CEP164: variants seen among roughly 807,000 people sequenced by gnomAD.
CEP164 encodes centrosomal protein 164.
In CEP164, 162 loss-of-function variants were observed where a neutral mutation model predicts 182.7. That is an observed-to-expected ratio of 0.89 (90% CI 0.78 to 1.01). CEP164 has a LOEUF of 1.01. Ranked by LOEUF, CEP164 falls within the 50% of genes least tolerant of loss-of-function variation. CEP164 has a pLI of 0.00. For missense variants in CEP164, 1,735 were observed against 1,790.4 expected (o/e 0.97, Z 0.56); for synonymous variants, 661 against 690.0 (o/e 0.96, Z 0.66).
intron 9 of CEP164, 31 bp downstream of exon 9, chr11:117,371,497 GGCTGTAGCCCTCT>G: frequency 6.3e-7 from 1 of 1,580,244 alleles, no homozygotes; most frequent in Non-Finnish European, 8.6e-7. Context: ...GGCAGGGGTT[GGCTGTAGCCCTCT>G]GCTGCTCTGT....
At chr11:117,390,536 T>C (rs2044503402) in intron 15 of CEP164, among the ~76,000 whole-genome samples, 1 of 151,420 alleles carries the variant, frequency 6.6e-6, no homozygotes, top group South Asian at 2.1e-4. Flanking sequence ...CATGGGATGC[T>C]GAGGCGAGAG....
At chr11:117,390,345 C>T (rs562859381) in intron 15 of CEP164, among the ~76,000 whole-genome samples, 1 of 152,088 alleles carries the variant, frequency 6.6e-6, no homozygotes, top group Admixed American at 6.5e-5. Flanking sequence ...TTAGACTCAT[C>T]TTTAAGATTT....
At chr11:117,391,997 G>A (rs762189109) in intron 17 of CEP164, among the ~76,000 whole-genome samples, 12 of 152,298 alleles carry the variant, frequency 7.9e-5, no homozygotes, top group Middle Eastern at 3.4e-3. Context: ...GCAGAGAGCC[G>A]AAACTTACTG....
chr11:117,381,901 G>A, intron 13 of CEP164, 33 bp downstream of exon 13: 1 of 1,456,460 alleles, frequency 6.9e-7, no homozygotes, highest in Non-Finnish European at 9.1e-7. Flanking sequence ...TCATGAGGAT[G>A]AGGGCTGGTG....
At chr11:117,405,000 C>T (rs1333087581) in intron 27 of CEP164, among the ~76,000 whole-genome samples, 2 of 152,162 alleles carry the variant, frequency 1.3e-5, no homozygotes, top group African/African-American at 4.8e-5. Flanking sequence ...GGCAGATGCC[C>T]CGCCCCCACC....
In CEP164 at chr11:117,373,748, C is replaced by T. The variant is rs776583692; in HGVS notation, c.1153-3C>T. ...GGATTTCTCTGTGGGTCTGTCTCTC[C>T]AGGAACTGGAAATTAGTGAACACAT... On this transcript the variant is annotated splice_polypyrimidine_tract_variant and splice_region_variant and intron_variant, in intron 9 of 32. Coordinates refer to ENST00000278935, the MANE Select transcript of CEP164 (RefSeq NM_014956.5). 4 of 1,613,708 alleles carry T rather than the reference C, an allele frequency of 2.5e-6. No individual in the cohort carries two copies. The highest frequency in any genetic ancestry group is 3.4e-6 in the Non-Finnish European group (4 of 1,179,676).
rs1324255232 is a variant in CEP164, at chr11:117,329,792, C to T, written c.-98+1888C>T. On this transcript the variant is annotated intron_variant, in intron 1 of 32. Coordinates refer to ENST00000278935, the MANE Select transcript of CEP164 (RefSeq NM_014956.5). ...CCTGACCTCATTATCCGCCCACCTC[C>T]GCCTCCCAAAGTGCTGGGATTACAG... 2.0e-5 allele frequency among the ~76,000 whole-genome samples: 3 copies of T among 151,156 alleles called. No individual in the cohort carries two copies. The East Asian group carries it at 5.8e-4, about 29-fold the overall frequency.
rs2042659060 is a variant in CEP164, at chr11:117,375,612, A to C, written c.1234-96A>C. 9 of 932,132 alleles carry C rather than the reference A, an allele frequency of 9.7e-6. No homozygotes were observed. The South Asian group carries it at 1.1e-4, about 11-fold the overall frequency. The allele number at this position is 932,132 out of a possible 1,614,324, so 57.7% of individuals were successfully genotyped here. ...GCACAGAGCTGGGCACATAATAGAC[A>C]TCTTTCTGGAAAGTGGAGTTGGGGT... On this transcript the variant is annotated intron_variant, in intron 10 of 32. Transcript: ENST00000278935.
At chr11:117,398,501 C>T (rs559101264) in intron 27 of CEP164, among the ~76,000 whole-genome samples, 1 of 152,364 alleles carries the variant, frequency 6.6e-6, no homozygotes, top group Admixed American at 6.5e-5. Flanking sequence ...CATGTCCCTT[C>T]TGAACTGCCC....
intron 28 of CEP164, 149 bp downstream of exon 28, chr11:117,408,181 G>A: frequency 1.7e-6 from 1 of 573,546 alleles, no homozygotes; most frequent in East Asian, 3.1e-5. Flanking sequence ...GCTGATGAAG[G>A]TGGCAGTGGC....
At chr11:117,373,362 G>A (rs1247327277) in intron 9 of CEP164, among the ~76,000 whole-genome samples, 14 of 149,680 alleles carry the variant, frequency 9.4e-5, no homozygotes, top group Non-Finnish European at 1.5e-4. Context: ...ACTCCATCTC[G>A]GAAAAAAAAA....
chr11:117,395,168 A>AGGC lies in CEP164; in HGVS notation c.2891_2893dup (p.Arg964dup), dbSNP rs750452545. The AGGC allele has an allele frequency of 6.2e-7, 1 of 1,614,008 alleles. No homozygotes were observed. The highest frequency in any genetic ancestry group is 1.1e-5 in the South Asian group (1 of 91,080). On this transcript the variant is annotated inframe_insertion, in exon 23 of 33. Transcript: ENST00000278935. ...GAAGCAGCAGCTGCTTGATGTGCAG[A>AGGC]GGCAGGTTGCTCTGAAGAGTGAGGT...
chr11:117,326,111 A>C (rs2035428692), upstream of CEP164, among the ~76,000 whole-genome samples: 1 of 152,018 alleles, frequency 6.6e-6, no homozygotes, highest in Non-Finnish European at 1.5e-5. Context: ...GGGTTTCTCC[A>C]TGTTGATCAG....
chr11:117,408,156 T>C lies in CEP164; in HGVS notation c.3609+124T>C, dbSNP rs111525259. 78 of 621,958 alleles carry C rather than the reference T, an allele frequency of 1.3e-4. No homozygotes were observed. The African/African-American group carries it at 1.4e-3, about 11-fold the overall frequency. The allele number at this position is 621,958 out of a possible 1,614,324, so 38.5% of individuals were successfully genotyped here. On this transcript the variant is annotated intron_variant, in intron 28 of 32. Transcript: ENST00000278935. ...GCCTCTAGGGCCCAGGATTGGGCAG[T>C]AGGCTTGTCTACTGGCTGATGAAGG...
intron 27 of CEP164, among the ~76,000 whole-genome samples, chr11:117,404,826 T>C (rs376627578): frequency 3.9e-5 from 6 of 152,360 alleles, no homozygotes; most frequent in African/African-American, 9.6e-5. Flanking sequence ...CTGGGGCTGC[T>C]GCCTTTCTTT....
intron 5 of CEP164, chr11:117,355,029 AAGAGATGC>A (rs2040152787): frequency 7.8e-7 from 1 of 1,289,646 alleles, no homozygotes; most frequent in Non-Finnish European, 1.0e-6. Flanking sequence ...GACCTAGATC[AAGAGATGC>A]AGGCTATAAG....
intron 27 of CEP164, among the ~76,000 whole-genome samples, chr11:117,399,290 A>G (rs1170100838): frequency 6.6e-6 from 1 of 152,150 alleles, no homozygotes; most frequent in Non-Finnish European, 1.5e-5. Flanking sequence ...AGCTTCATCC[A>G]TGTCCCTACA....
intron 1 of CEP164, among the ~76,000 whole-genome samples, chr11:117,334,229 C>T (rs558594652): frequency 2.6e-5 from 4 of 152,276 alleles, no homozygotes; most frequent in South Asian, 2.1e-4. Context: ...AAATATTCCT[C>T]GAGTGAGTAG....
chr11:117,409,508 G>A lies in CEP164; in HGVS notation c.3749-110G>A. Reference sequence around the variant, plus strand: ...TCATAAGGTTGAGGGGCTGTTGTCTGGAGAAGCAGGGAGGGGTGGCCAGTA... The same window carrying A: ...TCATAAGGTTGAGGGGCTGTTGTCTAGAGAAGCAGGGAGGGGTGGCCAGTA... On this transcript the variant is annotated intron_variant, in intron 29 of 32. Transcript: ENST00000278935. The surrounding 1 kb of genome is among the most constrained non-coding windows in gnomAD (Gnocchi z 4.4). The A allele has an allele frequency of 5.3e-6, 5 of 948,694 alleles. No individual in the cohort carries two copies. Among genetic ancestry groups the A allele is most frequent in the Non-Finnish European group, 8.0e-6 (5 of 624,558 alleles). The allele number at this position is 948,694 out of a possible 1,614,324, so 58.8% of individuals were successfully genotyped here.
Sources: gnomAD v4.1 joint callset for allele counts (sites outside exome capture counted in the v4.1 genomes callset) on GRCh38, gnomAD v4.1.1 for gene constraint, Gnocchi (gnomAD v3.1) non-coding constraint, MANE v1.5 for transcripts, NCBI Gene and HGNC (gene_info 2026-07-23, HGNC 2026-07-21) for gene names.